The following ITGBL1 variants were observed in gnomAD, a reference collection of about 807,000 sequenced individuals.
The protein encoded by ITGBL1 is integrin subunit beta like 1.
A neutral mutation model predicts 68.5 loss-of-function variants in ITGBL1; 51 were observed. The ratio of observed to expected loss-of-function variants is 0.74; its 90% CI spans 0.59 to 0.94. The LOEUF is 0.94. ITGBL1 is among the 40% of genes least tolerant of loss of function. The pLI is 0.00. For missense variants in ITGBL1, 649 were observed against 647.4 expected (o/e 1.00, Z -0.03); for synonymous variants, 209 against 227.3 (o/e 0.92, Z 0.72).
intron 2 of ITGBL1, among the ~76,000 whole-genome samples, chr13:101,507,295 A>G (rs1387789279): frequency 6.6e-6 from 1 of 152,166 alleles, no homozygotes; most frequent in Admixed American, 6.6e-5. Flanking sequence ...GGCACCAAGG[A>G]CAGTGCTTGG....
At chr13:101,671,437 G>GTTTTTTT (rs1491455482) in intron 7 of ITGBL1, among the ~76,000 whole-genome samples, 10 of 102,838 alleles carry the variant, frequency 9.7e-5, no homozygotes, top group East Asian at 4.0e-4. Context: ...TTTTTTTTTT[G>GTTTTTTT]TTTTTTTTTG....
rs192809467 is a variant in ITGBL1, at chr13:101,666,969, C to T, written c.1016-25616C>T. Among the ~76,000 whole-genome samples, 295 of 152,278 alleles carry T rather than the reference C, an allele frequency of 1.9e-3. 1 individual carries two copies. The highest frequency in any genetic ancestry group is 3.7e-3 in the Non-Finnish European group (251 of 68,016). The stretch of plus-strand genomic sequence containing the variant: ...TATGAAATAAAGGAATCTTGTGCCA[C>T]GTACACTTGTGAAAGCAAAACGATT... On this transcript the variant is annotated intron_variant, in intron 7 of 10. Coordinates refer to ENST00000376180, the MANE Select transcript of ITGBL1 (RefSeq NM_004791.3).
At chr13:101,568,558 G>A (rs2050218774) in intron 3 of ITGBL1, among the ~76,000 whole-genome samples, 1 of 152,086 alleles carries the variant, frequency 6.6e-6, no homozygotes, top group Non-Finnish European at 1.5e-5. Flanking sequence ...TAAACTGTCA[G>A]TTCTCATGTA....
At chr13:101,541,744 G>T (rs1005694018) in intron 2 of ITGBL1, among the ~76,000 whole-genome samples, 4 of 152,098 alleles carry the variant, frequency 2.6e-5, no homozygotes, top group African/African-American at 9.7e-5. Flanking sequence ...CCTATTATTG[G>T]TCTCTTCAGA....
At chr13:101,559,957 A>G (rs1200145487) in intron 2 of ITGBL1, among the ~76,000 whole-genome samples, 3 of 152,178 alleles carry the variant, frequency 2.0e-5, no homozygotes, top group Non-Finnish European at 2.9e-5. Context: ...GAGGCAGTGG[A>G]ACCCTCTATA....
intron 7 of ITGBL1, among the ~76,000 whole-genome samples, chr13:101,637,329 G>A (rs2032202853): frequency 6.7e-6 from 1 of 149,618 alleles, no homozygotes; most frequent in African/African-American, 2.5e-5. Context: ...AAGTCAAAAT[G>A]ATTGGAACAG....
At chr13:101,716,645 A>G (rs1422604803), downstream of ITGBL1, 7 of 152,066 alleles carry the variant, frequency 4.6e-5, no homozygotes, top group Non-Finnish European at 1.0e-4. Flanking sequence ...TACATATAAA[A>G]TGGGCCTGAA....
chr13:101,543,812 A>G (rs145768943), intron 2 of ITGBL1, among the ~76,000 whole-genome samples: 162 of 152,184 alleles, frequency 1.1e-3, no homozygotes, highest in African/African-American at 3.8e-3. Flanking sequence ...TTGATCATCC[A>G]TCACTGATAC....
At chr13:101,691,200 C>T (rs186632084) in intron 7 of ITGBL1, among the ~76,000 whole-genome samples, 48 of 152,250 alleles carry the variant, frequency 3.2e-4, no homozygotes, top group Admixed American at 2.5e-3. Context: ...GAGGGAATAT[C>T]GTTGAAGGAG....
At chr13:101,513,809 T>C (rs1356507653) in intron 2 of ITGBL1, among the ~76,000 whole-genome samples, 3 of 152,102 alleles carry the variant, frequency 2.0e-5, no homozygotes, top group Non-Finnish European at 4.4e-5. Context: ...CTGCAGTAAT[T>C]ATTTTGCACC....
At chr13:101,476,366 C>T (rs1392074001) in intron 2 of ITGBL1, among the ~76,000 whole-genome samples, 1 of 151,864 alleles carries the variant, frequency 6.6e-6, no homozygotes, top group East Asian at 1.9e-4. Flanking sequence ...GAAATTAAAA[C>T]ATACCATCAG....
intron 2 of ITGBL1, among the ~76,000 whole-genome samples, chr13:101,485,430 T>C (rs2048687311): frequency 6.6e-6 from 1 of 151,832 alleles, no homozygotes; most frequent in Admixed American, 6.6e-5. Flanking sequence ...AACAAACATA[T>C]GAAAAAATGC....
chr13:101,500,595 G>C (rs1482962285), intron 2 of ITGBL1, among the ~76,000 whole-genome samples: 2 of 152,142 alleles, frequency 1.3e-5, no homozygotes, highest in Non-Finnish European at 2.9e-5. Context: ...AAGAACTCGA[G>C]CAGATTTACC....
chr13:101,460,443 C>T (rs2048302773), intron 2 of ITGBL1, among the ~76,000 whole-genome samples: 1 of 152,218 alleles, frequency 6.6e-6, no homozygotes, highest in Non-Finnish European at 1.5e-5. Flanking sequence ...TACTTTCTTA[C>T]ATTCATCTGT....
At chr13:101,548,299 A>G (rs924510205) in intron 2 of ITGBL1, among the ~76,000 whole-genome samples, 3 of 151,854 alleles carry the variant, frequency 2.0e-5, no homozygotes, top group African/African-American at 2.4e-5. Flanking sequence ...TAAGGATACT[A>G]TGCTATTACT....
intron 7 of ITGBL1, among the ~76,000 whole-genome samples, chr13:101,611,062 T>C (rs572360335): frequency 6.6e-6 from 1 of 152,144 alleles, no homozygotes; most frequent in East Asian, 1.9e-4. Flanking sequence ...TTAGAAAAAA[T>C]AAGAAAATGG....
intron 2 of ITGBL1, among the ~76,000 whole-genome samples, chr13:101,541,632 C>G (rs373956792): frequency 3.9e-5 from 6 of 152,246 alleles, no homozygotes; most frequent in Admixed American, 3.3e-4. Context: ...AGGAATGGTA[C>G]CAGCTCCTCC....
In ITGBL1 at chr13:101,641,530, T is replaced by G. The variant is rs866954104; in HGVS notation, c.1015+43231T>G. On this transcript the variant is annotated intron_variant, in intron 7 of 10. Transcript: ENST00000376180. ...GTTTATGTGTCTTTCTTTTTTATTT[T>G]ATTTTATTTTATTTATTTTTATTTT... Among the ~76,000 whole-genome samples the G allele has an allele frequency of 2.4e-4, 36 of 149,698 alleles. No individual in the cohort carries two copies. The South Asian group carries it at 3.3e-3, about 14-fold the overall frequency.
At chr13:101,532,531 A>G (rs936797807) in intron 2 of ITGBL1, among the ~76,000 whole-genome samples, 4 of 152,170 alleles carry the variant, frequency 2.6e-5, no homozygotes, top group African/African-American at 7.2e-5. Flanking sequence ...CCTATTGCAG[A>G]TTTTCTAAAT....
Sources: allele counts gnomAD v4.1 joint callset (sites outside exome capture counted in the v4.1 genomes callset), GRCh38; gene constraint gnomAD v4.1.1; transcripts MANE v1.5; gene names NCBI Gene and HGNC (gene_info 2026-07-23, HGNC 2026-07-21).